The following SFI1 variants were observed in gnomAD, a reference collection of about 807,000 sequenced individuals.
The protein encoded by SFI1 is protein SFI1 homolog.
SFI1 carries 195 observed loss-of-function variants against 207.5 expected under a neutral mutation model. The observed-to-expected ratio is 0.94, with a 90% CI of 0.84 to 1.06. The LOEUF (loss-of-function observed/expected upper bound fraction) is 1.06. Ranked by LOEUF, SFI1 falls within the 50% of genes least tolerant of loss-of-function variation. The probability of loss-of-function intolerance (pLI) is 0.00; values close to 1 mark genes in which losing one functional copy is unlikely to be tolerated. For synonymous variants in SFI1, 630 were observed against 598.9 expected (o/e 1.05, Z -0.76); for missense variants, 1,634 against 1,588.0 (o/e 1.03, Z -0.49).
chr22:31,589,564 A>T lies in SFI1; in HGVS notation c.1531A>T (p.Thr511Ser). Reference protein sequence around the residue: ...HQENVLSARATRFHRETLEKQ... With the variant: ...HQENVLSARASRFHRETLEKQ... ...GGAAAATGTCCTCAGTGCAAGAGCA[A>T]CACGTTTCCACAGGTATGTTGCGCA... The change falls in exon 15 of 33, where the codon ACA (threonine) becomes TCA (serine). Residue 511 changes from threonine to serine, a missense_variant. Coordinates refer to ENST00000400288, the MANE Select transcript of SFI1 (RefSeq NM_001007467.3). 1.9e-6 allele frequency: 3 copies of T among 1,612,546 alleles called. No individual in the cohort carries two copies. Among genetic ancestry groups the T allele is most frequent in the Non-Finnish European group, 2.5e-6 (3 of 1,179,670 alleles).
intron 15 of SFI1, among the ~76,000 whole-genome samples, chr22:31,591,238 ACT>A: frequency 6.6e-6 from 1 of 152,196 alleles, no homozygotes. Flanking sequence ...GATCCATTTA[ACT>A]CTGAGTGGAC....
At chr22:31,530,450 A>T in intron 3 of SFI1, 1 of 271,336 alleles carries the variant, frequency 3.7e-6, no homozygotes, top group Non-Finnish European at 7.1e-6. Context: ...ACATTGGGCC[A>T]CTGTACTCTA....
At position 31,546,956 on chromosome 22, in the gene SFI1, C is replaced by A; in HGVS notation, c.434C>A (p.Ala145Asp). 1 of 1,608,308 alleles carries A rather than the reference C, an allele frequency of 6.2e-7. No homozygotes were observed. The highest frequency in any genetic ancestry group is 8.5e-7 in the Non-Finnish European group (1 of 1,176,518). The change falls in exon 5 of 33, where the codon GCT becomes GAT. Residue 145 changes from alanine (A) to aspartate (D), a missense_variant. Ala to Asp is a moderately radical substitution (Grantham distance 126, BLOSUM62 -2). Coordinates refer to ENST00000400288, the MANE Select transcript of SFI1 (RefSeq NM_001007467.3). ...CACGAGTGGAAACTCTGTGTTCGAG[C>A]TGACTGTCACTACAGGTCAGGTTTC... is the stretch of plus-strand genomic sequence containing the variant. ...FQHEWKLCVR[A>D]DCHYRYYLYN...
Position 31,613,285 on chromosome 22 carries a change from GAGGGCA to G in SFI1, c.2566-68_2566-63del, listed in dbSNP as rs2070719778. The G allele has an allele frequency of 8.1e-6, 13 of 1,607,400 alleles. No homozygotes were observed. The East Asian group carries it at 2.9e-4, about 36-fold the overall frequency. On this transcript the variant is annotated intron_variant, in intron 25 of 32. Coordinates refer to ENST00000400288, the MANE Select transcript of SFI1 (RefSeq NM_001007467.3). Reference sequence around the variant, plus strand: ...GCCTTAGCCCTGCCTTGGGTGGAGGGAGGGCACCTGGTCTGTGGGGGAGCTCTAAGC... The same window carrying G: ...GCCTTAGCCCTGCCTTGGGTGGAGGGCCTGGTCTGTGGGGGAGCTCTAAGC...
chr22:31,572,933 T>G, intron 8 of SFI1, 125 bp from the exon 9 acceptor site: 1 of 916,704 alleles, frequency 1.1e-6, no homozygotes, highest in Non-Finnish European at 1.7e-6. Flanking sequence ...GCTAGGGGAT[T>G]GCCACTTCCT....
intron 20 of SFI1, 97 bp from the exon 21 acceptor site, chr22:31,606,231 C>A: frequency 9.0e-7 from 1 of 1,114,986 alleles, no homozygotes; most frequent in South Asian, 1.3e-5. Context: ...GAGTCCCTGA[C>A]TCAGGAGTAG....
At chr22:31,577,890 G>A (rs1461537376) in intron 10 of SFI1, 1 of 152,730 alleles carries the variant, frequency 6.5e-6, no homozygotes, top group African/African-American at 2.4e-5. Context: ...TGTTGGGGGT[G>A]GGGACAGAAG....
rs563199291 is a variant in SFI1 at position 31,571,677 on chromosome 22, C to G, written c.766-1381C>G. 7.9e-5 allele frequency among the ~76,000 whole-genome samples: 12 copies of G among 152,228 alleles called. No individual in the cohort carries two copies. In the East Asian group the frequency reaches 2.3e-3, roughly 29 times the overall value. On this transcript the variant is annotated intron_variant, in intron 8 of 32. Transcript: ENST00000400288. ...AAGTATATAAATACATTTATTTTGT[C>G]TGAGCTGCTCTAAAATTGTAGACAC...
intron 1 of SFI1, among the ~76,000 whole-genome samples, chr22:31,499,345 T>G (rs2053317584): frequency 6.6e-6 from 1 of 152,092 alleles, no homozygotes; most frequent in East Asian, 1.9e-4. Flanking sequence ...CAGGCATGTG[T>G]CACCACGCCT....
At chr22:31,569,801 T>G (rs1449805040) in intron 8 of SFI1, among the ~76,000 whole-genome samples, 1 of 151,844 alleles carries the variant, frequency 6.6e-6, no homozygotes, top group African/African-American at 2.4e-5. Context: ...TACAAAAAAT[T>G]ATCCTGTTAT....
At chr22:31,597,805 A>G (rs2067367052) in intron 15 of SFI1, among the ~76,000 whole-genome samples, 1 of 152,214 alleles carries the variant, frequency 6.6e-6, no homozygotes, top group African/African-American at 2.4e-5. Flanking sequence ...TTTTAGGAAT[A>G]TAGACAGATT....
intron 2 of SFI1, among the ~76,000 whole-genome samples, chr22:31,509,255 A>G (rs902990028): frequency 6.6e-6 from 1 of 152,164 alleles, no homozygotes; most frequent in Non-Finnish European, 1.5e-5. Flanking sequence ...GACTCACACA[A>G]TCACAAGGTG....
At chr22:31,515,878 C>T (rs1429626347) in intron 2 of SFI1, among the ~76,000 whole-genome samples, 1 of 151,918 alleles carries the variant, frequency 6.6e-6, no homozygotes, top group Non-Finnish European at 1.5e-5. Flanking sequence ...GCTGGAACTA[C>T]AGTCACGCAC....
chr22:31,565,252 C>CT (rs2062168138), intron 8 of SFI1, among the ~76,000 whole-genome samples: 1 of 151,984 alleles, frequency 6.6e-6, no homozygotes, highest in Admixed American at 6.6e-5. Flanking sequence ...CTCCTATATT[C>CT]TTTTTTCTTA....
chr22:31,524,278 A>G (rs555039528), intron 2 of SFI1, among the ~76,000 whole-genome samples: 1 of 152,120 alleles, frequency 6.6e-6, no homozygotes, highest in Non-Finnish European at 1.5e-5. Flanking sequence ...GGTCTTTTTG[A>G]CAACAGTCAC....
intron 21 of SFI1, 193 bp downstream of exon 21, chr22:31,606,623 A>T: frequency 1.9e-6 from 1 of 525,026 alleles, no homozygotes. Context: ...ACAAACCAAT[A>T]TGCATTAAAT....
At chr22:31,555,351 T>C (rs73400211) in intron 6 of SFI1, among the ~76,000 whole-genome samples, 1,696 of 152,224 alleles carry the variant, frequency 0.011, 39 homozygotes, top group African/African-American at 0.039. Context: ...TAGCCAGGTG[T>C]GGTGGTGCAT....
At chr22:31,607,822 A>G in intron 21 of SFI1, 115 bp from the exon 22 acceptor site, 1 of 799,100 alleles carries the variant, frequency 1.3e-6, no homozygotes, top group African/African-American at 1.7e-5. Flanking sequence ...CGTGTGTGAG[A>G]AGCAAATGGC....
At chr22:31,517,562 T>C (rs2056700097) in intron 2 of SFI1, among the ~76,000 whole-genome samples, 1 of 152,188 alleles carries the variant, frequency 6.6e-6, no homozygotes, top group Non-Finnish European at 1.5e-5. Flanking sequence ...ATATTCTGTA[T>C]CATCTTTAAG....
Sources: gnomAD v4.1 joint callset for allele counts (sites outside exome capture counted in the v4.1 genomes callset) on GRCh38, gnomAD v4.1.1 for gene constraint, MANE v1.5 for transcripts, NCBI Gene and HGNC (gene_info 2026-07-23, HGNC 2026-07-21) for gene names.